DLGAP4: variants seen among roughly 807,000 people sequenced by gnomAD.
DLGAP4 encodes DLG associated protein 4.
Under a neutral mutation model 86.9 loss-of-function variants are expected in DLGAP4, and 18 were observed. The observed-to-expected ratio is 0.21, with a 90% CI of 0.14 to 0.31. The LOEUF (loss-of-function observed/expected upper bound fraction) is 0.31. Among genes scored for constraint, DLGAP4 ranks in the 10% least tolerant of loss-of-function variants. The pLI is 1.00. For missense variants in DLGAP4, 1,085 were observed against 1,362.6 expected, an observed-to-expected ratio of 0.80 and a Z score of 3.21; for synonymous variants, 548 against 574.3, an observed-to-expected ratio of 0.95 and a Z score of 0.65.
intron 8 of DLGAP4, chr20:36,499,099 C>A: frequency 1.2e-6 from 1 of 807,916 alleles, no homozygotes; most frequent in South Asian, 1.9e-5. Flanking sequence ...AGGTTTCTGC[C>A]ACAGGGTTCA....
At chr20:36,334,188 T>C (rs1213115202) in intron 1 of DLGAP4, among the ~76,000 whole-genome samples, 1 of 152,010 alleles carries the variant, frequency 6.6e-6, no homozygotes, top group Non-Finnish European at 1.5e-5. Flanking sequence ...GACCAGAAAT[T>C]GACAAAAATG....
intron 5 of DLGAP4, among the ~76,000 whole-genome samples, chr20:36,442,511 A>G (rs192309669): frequency 6.6e-6 from 1 of 152,304 alleles, no homozygotes; most frequent in East Asian, 1.9e-4. Flanking sequence ...ACTTTTAAAT[A>G]GCAGATTATA....
intron 7 of DLGAP4, among the ~76,000 whole-genome samples, chr20:36,469,198 G>A (rs762080108): frequency 1.7e-4 from 26 of 152,162 alleles, no homozygotes; most frequent in Admixed American, 1.0e-3. Context: ...GCAGTGAGCT[G>A]GCCCTGGGGA....
At chr20:36,366,688 C>T (rs1391376957) in intron 1 of DLGAP4, among the ~76,000 whole-genome samples, 1 of 152,168 alleles carries the variant, frequency 6.6e-6, no homozygotes, top group East Asian at 1.9e-4. Context: ...CTGCATGACT[C>T]CTACCCCTTT....
At chr20:36,467,941 C>T (rs2034491165) in intron 7 of DLGAP4, among the ~76,000 whole-genome samples, 1 of 152,234 alleles carries the variant, frequency 6.6e-6, no homozygotes, top group Non-Finnish European at 1.5e-5. Flanking sequence ...CCAACTGTCT[C>T]CAAACCGTGT....
intron 1 of DLGAP4, among the ~76,000 whole-genome samples, chr20:36,334,401 G>T (rs2065300662): frequency 6.6e-6 from 1 of 152,158 alleles, no homozygotes; most frequent in South Asian, 2.1e-4. Context: ...AGATGAGAAG[G>T]AGTGTGACCT....
At chr20:36,461,748 T>TCCGCCCGCCCGCCCGC (rs556566313) in intron 7 of DLGAP4, 27 of 853,542 alleles carry the variant, frequency 3.2e-5, no homozygotes, top group East Asian at 3.6e-4. Context: ...CGTCCGTCCG[T>TCCGCCCGCCCGCCCGC]CCGCCCGCCC....
intron 5 of DLGAP4, among the ~76,000 whole-genome samples, chr20:36,441,186 G>A (rs1485587221): frequency 6.6e-6 from 1 of 152,192 alleles, no homozygotes; most frequent in African/African-American, 2.4e-5. Flanking sequence ...ACCTGGACCT[G>A]TGAAGCCCTG....
rs1468877888 is a variant in DLGAP4 at position 36,306,663 on chromosome 20, G to C, written c.-304+151G>C. On this transcript the variant is annotated intron_variant, in intron 1 of 12. Coordinates refer to ENST00000339266, the MANE Select transcript of DLGAP4 (RefSeq NM_001365621.2). This position sits in a 1 kb window ranked among gnomAD's most constrained non-coding sequence, Gnocchi z 4.9. Reference sequence around the variant, plus strand: ...CTGGCGCAGAAAAGCCCCCTCCCCTGCCAGTTCTGTCTTCCGATCCCGGGT... The same window carrying C: ...CTGGCGCAGAAAAGCCCCCTCCCCTCCCAGTTCTGTCTTCCGATCCCGGGT... 1.3e-5 allele frequency among the ~76,000 whole-genome samples: 2 copies of C among 152,032 alleles called. No individual in the cohort carries two copies. The highest frequency in any genetic ancestry group is 4.8e-5 in the African/African-American group (2 of 41,436).
At chr20:36,468,008 C>A (rs1210535821) in intron 7 of DLGAP4, among the ~76,000 whole-genome samples, 1 of 152,216 alleles carries the variant, frequency 6.6e-6, no homozygotes, top group African/African-American at 2.4e-5. Context: ...TTTAGGGTCC[C>A]AAGGGGCTGA....
chr20:36,458,859 G>C (rs1353627847), intron 7 of DLGAP4, among the ~76,000 whole-genome samples: 1 of 152,184 alleles, frequency 6.6e-6, no homozygotes, highest in Admixed American at 6.5e-5. Context: ...CTGGATCCTG[G>C]AAGGGCTCTG....
chr20:36,316,842 G>A (rs1477295667), intron 1 of DLGAP4, among the ~76,000 whole-genome samples: 1 of 152,122 alleles, frequency 6.6e-6, no homozygotes, highest in African/African-American at 2.4e-5. Flanking sequence ...CTTCTCTGGG[G>A]GCCACCTCCT....
intron 7 of DLGAP4, among the ~76,000 whole-genome samples, chr20:36,480,144 G>A (rs2035121340): frequency 6.6e-6 from 1 of 152,160 alleles, no homozygotes; most frequent in Admixed American, 6.6e-5. Flanking sequence ...TGATTCCAGG[G>A]ATTCCTAACC....
At position 36,523,436 on chromosome 20, in the gene DLGAP4, TTA is replaced by T. The variant is rs2037504954; in HGVS notation, c.2513-812_2513-811del. The stretch of plus-strand genomic sequence containing the variant: ...TGCTTATACTTTAAGACTTCTACAT[TTA>T]TGTTAGTGAAAGTGGTCCATTCTTG... On this transcript the variant is annotated intron_variant, in intron 10 of 12. Coordinates refer to ENST00000339266, the MANE Select transcript of DLGAP4 (RefSeq NM_001365621.2). 2.0e-5 allele frequency among the ~76,000 whole-genome samples: 3 copies of T among 152,352 alleles called. No homozygotes were observed. The South Asian group carries it at 6.2e-4, about 32-fold the overall frequency.
intron 7 of DLGAP4, among the ~76,000 whole-genome samples, chr20:36,457,207 G>A (rs924550456): frequency 3.3e-5 from 5 of 151,786 alleles, no homozygotes; most frequent in Admixed American, 6.6e-5. Context: ...CATTGAGAGG[G>A]AGATTTTGAG....
chr20:36,495,069 T>G (rs530646805), intron 7 of DLGAP4, among the ~76,000 whole-genome samples: 33 of 134,356 alleles, frequency 2.5e-4, no homozygotes, highest in Admixed American at 1.1e-3. Context: ...CTTGGCTCAC[T>G]GCAACCTCCG....
At chr20:36,318,806 G>A (rs1380099703) in intron 1 of DLGAP4, among the ~76,000 whole-genome samples, 5 of 152,178 alleles carry the variant, frequency 3.3e-5, no homozygotes, top group Non-Finnish European at 4.4e-5. Flanking sequence ...TTGATGACTA[G>A]CTGTTCTAAT....
chr20:36,463,517 A>G (rs748537793), intron 7 of DLGAP4, among the ~76,000 whole-genome samples: 4 of 152,148 alleles, frequency 2.6e-5, no homozygotes, highest in African/African-American at 7.2e-5. Context: ...TCGAGAATGC[A>G]CCTGCCCTTC....
intron 2 of DLGAP4, among the ~76,000 whole-genome samples, chr20:36,409,736 A>G (rs541762396): frequency 6.6e-6 from 1 of 150,420 alleles, no homozygotes; most frequent in African/African-American, 2.4e-5. Context: ...GAAACATAAT[A>G]AAAAGCCCTC....
Sources: gnomAD v4.1 joint callset for allele counts (sites outside exome capture counted in the v4.1 genomes callset) on GRCh38, gnomAD v4.1.1 for gene constraint, Gnocchi (gnomAD v3.1) non-coding constraint, MANE v1.5 for transcripts, NCBI Gene and HGNC (gene_info 2026-07-23, HGNC 2026-07-21) for gene names.